Variants in ARHGEF18 observed in about 807,000 individuals in gnomAD.
The protein encoded by ARHGEF18 is Rho/Rac guanine nucleotide exchange factor 18.
A neutral mutation model predicts 155.7 loss-of-function variants in ARHGEF18; 93 were observed. The ratio of observed to expected loss-of-function variants is 0.60; its 90% CI spans 0.50 to 0.71. The LOEUF is 0.71. ARHGEF18 is among the 30% of genes least tolerant of loss of function. The pLI, the probability that ARHGEF18 is intolerant of heterozygous loss-of-function variation, is 0.00. For missense variants in ARHGEF18, 1,593 were observed against 1,816.1 expected (o/e 0.88, Z 2.23); for synonymous variants, 742 against 753.1 (o/e 0.99, Z 0.24).
chr19:7,378,959 C>T (rs961382762), intron 6 of ARHGEF18, among the ~76,000 whole-genome samples, 163 bp from the exon 7 acceptor site: 9 of 152,098 alleles, frequency 5.9e-5, no homozygotes, highest in African/African-American at 2.2e-4. Context: ...TCCCAAAGTA[C>T]TGGGATTACA....
chr19:7,391,193 G>C (rs1971383037), intron 10 of ARHGEF18, among the ~76,000 whole-genome samples: 2 of 152,074 alleles, frequency 1.3e-5, no homozygotes, highest in Non-Finnish European at 2.9e-5. Flanking sequence ...GTCCTCCCAA[G>C]GTATAACTCC....
chr19:7,444,641 G>A lies in ARHGEF18; in HGVS notation c.1611+187G>A, dbSNP rs558260561. ...TCCTCCCACCTCAGCCTCCCAAGTAGCTGGGACTACAGCTATGCGCCACCA... is the reference window on the plus strand; with the variant it reads ...TCCTCCCACCTCAGCCTCCCAAGTAACTGGGACTACAGCTATGCGCCACCA... On this transcript the variant is annotated intron_variant, in intron 14 of 28. Coordinates refer to ENST00000668164, the MANE Select transcript of ARHGEF18 (RefSeq NM_001367823.1). The surrounding 1 kb of genome is among the most constrained non-coding windows in gnomAD (Gnocchi z 4.7). Among the ~76,000 whole-genome samples the A allele has an allele frequency of 1.3e-5, 2 of 152,194 alleles. No individual in the cohort carries two copies. Among genetic ancestry groups the A allele is most frequent in the East Asian group, 3.9e-4 (2 of 5,176 alleles).
rs377430098 is a variant in ARHGEF18 at position 7,462,288 on chromosome 19, C to T, written c.2589C>T (p.Ser863=). 74 of 1,611,530 alleles carry T rather than the reference C, an allele frequency of 4.6e-5. No homozygotes were observed. The highest frequency in any genetic ancestry group is 5.3e-5 in the Non-Finnish European group (63 of 1,179,128). ...GCCTATTCCGTGGAGGGGACCCATC[C>T]GAGACCCTGCAGGGGGAGCTAATTC... The part of the protein sequence containing the change: ...PRGLFRGGDP[S]ETLQGELILK... The change falls in exon 21 of 29, where the codon TCC becomes TCT. Residue 863 remains serine (S), a synonymous_variant. Coordinates refer to ENST00000668164, the MANE Select transcript of ARHGEF18 (RefSeq NM_001367823.1). The surrounding 1 kb of genome is among the most constrained non-coding windows in gnomAD (Gnocchi z 4.4).
At chr19:7,394,840 G>A (rs1971598691) in intron 10 of ARHGEF18, among the ~76,000 whole-genome samples, 1 of 151,138 alleles carries the variant, frequency 6.6e-6, no homozygotes, top group Admixed American at 6.6e-5. Context: ...CAGAGCCCCC[G>A]GCCCTACTGA....
At chr19:7,363,453 G>A (rs555584482) in intron 2 of ARHGEF18, among the ~76,000 whole-genome samples, 1 of 151,718 alleles carries the variant, frequency 6.6e-6, no homozygotes, top group Non-Finnish European at 1.5e-5. Flanking sequence ...ATAGGTAGAA[G>A]GATGGGTGGA....
At chr19:7,460,555 C>T (rs960054275) in intron 20 of ARHGEF18, among the ~76,000 whole-genome samples, 4 of 152,170 alleles carry the variant, frequency 2.6e-5, no homozygotes, top group South Asian at 2.1e-4. Flanking sequence ...CTCCCCACCC[C>T]ATGCCCCAAC....
At chr19:7,415,754 T>C (rs1600360932) in intron 10 of ARHGEF18, among the ~76,000 whole-genome samples, 2 of 149,482 alleles carry the variant, frequency 1.3e-5, no homozygotes, top group Admixed American at 6.7e-5. Context: ...GCTCCTGGAG[T>C]TTCCCTTCTA....
At chr19:7,412,579 T>C (rs889837844) in intron 10 of ARHGEF18, among the ~76,000 whole-genome samples, 3 of 151,418 alleles carry the variant, frequency 2.0e-5, no homozygotes, top group Non-Finnish European at 2.9e-5. Context: ...CCGTCTTTAC[T>C]AAAAATACAT....
At chr19:7,473,390 C>T (rs1016196901), downstream of ARHGEF18, 5 of 429,778 alleles carry the variant, frequency 1.2e-5, no homozygotes, top group African/African-American at 8.1e-5. Context: ...GGGCCGGGCA[C>T]AGTGGCTCAT....
chr19:7,478,378 TG>T, the ARHGEF18 span: 2 of 1,609,170 alleles, frequency 1.2e-6, no homozygotes, highest in East Asian at 4.5e-5. Context: ...CACAGGGACC[TG>T]CAGCACCAGA....
At position 7,467,409 on chromosome 19, in the gene ARHGEF18, C is replaced by G; in HGVS notation, c.3205C>G (p.Arg1069Gly). 1 of 1,532,688 alleles carries G rather than the reference C, an allele frequency of 6.5e-7. No individual in the cohort carries two copies. The highest frequency in any genetic ancestry group is 1.2e-5 in the South Asian group (1 of 83,906). 94.9% of individuals were successfully genotyped at this position (1,532,688 alleles called of 1,614,324 possible). A position where few individuals can be genotyped will look rare whatever the true frequency, so the allele number is the denominator to read the frequency against. Residue 1069 changes from arginine to glycine, a missense_variant, in exon 26 of 29, where the codon CGC becomes GGC. Transcript: ENST00000668164. ...GAGCCAGCTGCGGCACGAGCAGCAG[C>G]GCTGGGAGCGCGAGCGCCAGTGGCA... ...LQSQLRHEQQ[R>G]WERERQWQHQ...
chr19:7,383,868 A>C (rs1275471684), intron 10 of ARHGEF18, among the ~76,000 whole-genome samples: 1 of 151,912 alleles, frequency 6.6e-6, no homozygotes, highest in Non-Finnish European at 1.5e-5. Context: ...TATCCATAGC[A>C]GGTCGTTTTC....
rs1343372219 is a variant in ARHGEF18 at position 7,379,164 on chromosome 19, T to C, written c.642T>C (p.His214=). The C allele has an allele frequency of 8.1e-7, 1 of 1,232,380 alleles. No homozygotes were observed. Among genetic ancestry groups the C allele is most frequent in the East Asian group, 3.2e-5 (1 of 31,696 alleles). 76.3% of individuals were successfully genotyped at this position (1,232,380 alleles called of 1,614,324 possible). ...QQVLQELRQY[H]GARQRACMSA... The stretch of plus-strand genomic sequence containing the variant: ...TGCTTCAAGAACTTCGACAGTACCA[T>C]GGGTAAGTGGGAATCGGGACAGGCT... The change falls in exon 7 of 29, where the codon CAT becomes CAC. Residue 214 remains histidine (H), a splice_region_variant and synonymous_variant. Coordinates refer to ENST00000668164, the MANE Select transcript of ARHGEF18 (RefSeq NM_001367823.1).
intron 19 of ARHGEF18, among the ~76,000 whole-genome samples, chr19:7,459,230 T>C (rs1005523601): frequency 2.0e-5 from 3 of 151,724 alleles, no homozygotes; most frequent in Non-Finnish European, 2.9e-5. Context: ...TTGTTTTGTT[T>C]TGTTTTTTAG....
chr19:7,454,331 G>A (rs1292893485), intron 17 of ARHGEF18, among the ~76,000 whole-genome samples: 1 of 151,986 alleles, frequency 6.6e-6, no homozygotes. Context: ...TTGGATCAGT[G>A]GCATAGTCTT....
intron 1 of ARHGEF18, among the ~76,000 whole-genome samples, chr19:7,353,956 C>CT (rs1457807695): frequency 4.4e-4 from 8 of 18,094 alleles, no homozygotes; most frequent in African/African-American, 1.4e-3. Flanking sequence ...AAGACTCTGT[C>CT]TAAAAAAAAA....
chr19:7,464,444 C>T (rs536132245), intron 22 of ARHGEF18, 116 bp from the exon 23 acceptor site: 82 of 1,335,746 alleles, frequency 6.1e-5, no homozygotes, highest in Non-Finnish European at 8.3e-5. Context: ...CTGCAGACGC[C>T]ACCATTCGGG....
chr19:7,456,171 TG>T (rs1335121455), intron 17 of ARHGEF18, among the ~76,000 whole-genome samples, 155 bp from the exon 18 acceptor site: 1 of 152,072 alleles, frequency 6.6e-6, no homozygotes, highest in Non-Finnish European at 1.5e-5. Flanking sequence ...GGAAAGGTGA[TG>T]GGGGGTGCAG....
intron 10 of ARHGEF18, among the ~76,000 whole-genome samples, chr19:7,407,983 A>AAAAAAC (rs1555711562): frequency 7.0e-6 from 1 of 141,870 alleles, no homozygotes; most frequent in African/African-American, 3.1e-5. Context: ...AAAAAAAAAA[A>AAAAAAC]AAAAGAGGTA....
Sources: gnomAD v4.1 joint callset for allele counts (sites outside exome capture counted in the v4.1 genomes callset) on GRCh38, gnomAD v4.1.1 for gene constraint, Gnocchi (gnomAD v3.1) non-coding constraint, MANE v1.5 for transcripts, NCBI Gene and HGNC (gene_info 2026-07-23, HGNC 2026-07-21) for gene names.